Variants in ITPKB observed in about 807,000 individuals in gnomAD.
ITPKB encodes the protein IP3 3-kinase B.
A neutral mutation model predicts 69.4 loss-of-function variants in ITPKB; 13 were observed. The ratio of observed to expected loss-of-function variants is 0.19; its 90% CI spans 0.12 to 0.30. The LOEUF is 0.30. Among genes scored for constraint, ITPKB ranks in the 10% least tolerant of loss-of-function variants. The pLI is 1.00. For synonymous variants in ITPKB, 584 were observed against 513.7 expected (o/e 1.14, Z -1.85); for missense variants, 1,240 against 1,250.5 (o/e 0.99, Z 0.13).
chr1:226,654,398 C>T (rs1235399971), intron 2 of ITPKB, among the ~76,000 whole-genome samples: 4 of 152,154 alleles, frequency 2.6e-5, no homozygotes, highest in Non-Finnish European at 5.9e-5. Context: ...GTAGGAAGCC[C>T]TCGCCTTGGG....
At chr1:226,700,711 C>G (rs1158550168) in intron 2 of ITPKB, among the ~76,000 whole-genome samples, 5 of 152,134 alleles carry the variant, frequency 3.3e-5, no homozygotes, top group Non-Finnish European at 5.9e-5. Context: ...GGCTCTGACT[C>G]CAGAGCCTGC....
chr1:226,652,184 G>A (rs912662327), intron 2 of ITPKB, among the ~76,000 whole-genome samples: 4 of 152,246 alleles, frequency 2.6e-5, no homozygotes, highest in Admixed American at 2.6e-4. Context: ...AAGGAGGGCT[G>A]CAGGGTGACC....
rs1422771284 is a variant in ITPKB, at chr1:226,736,845, C to G, written c.614G>C (p.Trp205Ser). The G allele has an allele frequency of 3.7e-6, 6 of 1,612,322 alleles. No individual in the cohort carries two copies. The Admixed American group carries it at 6.7e-5, about 18-fold the overall frequency. ...ARSEERRTKSWGEQCPETSGT... is the reference protein window; with the variant it reads ...ARSEERRTKSSGEQCPETSGT... Reference sequence around the variant, plus strand: ...TGAAGTCTCTGGACATTGCTCCCCCCAGGACTTTGTCCTCCGTTCCTCGCT... The same window carrying G: ...TGAAGTCTCTGGACATTGCTCCCCCGAGGACTTTGTCCTCCGTTCCTCGCT... Residue 205 changes from tryptophan to serine, a missense_variant, in exon 2 of 8, where the codon TGG becomes TCG. Around this residue, in one of 2 missense-constraint regions of ITPKB, gnomAD observed 992 missense variants for 853.8 expected, o/e 1.16. Coordinates refer to ENST00000429204, the MANE Select transcript of ITPKB (RefSeq NM_002221.4).
chr1:226,701,748 A>G (rs1213378918), intron 2 of ITPKB, among the ~76,000 whole-genome samples: 2 of 152,094 alleles, frequency 1.3e-5, no homozygotes, highest in Admixed American at 1.3e-4. Context: ...AGTCTTCCCA[A>G]ATTCTGCTGC....
intron 7 of ITPKB, among the ~76,000 whole-genome samples, chr1:226,636,131 G>A (rs1051539384): frequency 3.9e-5 from 6 of 152,236 alleles, no homozygotes; most frequent in African/African-American, 1.2e-4. Context: ...GGGTGGGAAC[G>A]GCTTTGAGAC....
intron 2 of ITPKB, among the ~76,000 whole-genome samples, chr1:226,705,282 C>T (rs1656771802): frequency 6.6e-6 from 1 of 152,162 alleles, no homozygotes; most frequent in Non-Finnish European, 1.5e-5. Context: ...GTAATCCCAG[C>T]ACTTTGGGAG....
chr1:226,653,956 G>A (rs1226366323), intron 2 of ITPKB, among the ~76,000 whole-genome samples: 1 of 152,218 alleles, frequency 6.6e-6, no homozygotes, highest in East Asian at 1.9e-4. Context: ...CCTGCCTGTT[G>A]CAACCTGGAC....
At chr1:226,723,888 AACT>A (rs1208401483) in intron 2 of ITPKB, among the ~76,000 whole-genome samples, 1 of 152,132 alleles carries the variant, frequency 6.6e-6, no homozygotes, top group Non-Finnish European at 1.5e-5. Context: ...CCTCTCCTGC[AACT>A]AAAGAACCTC....
intron 2 of ITPKB, among the ~76,000 whole-genome samples, chr1:226,709,732 G>T (rs533913739): frequency 3.6e-4 from 55 of 152,316 alleles, no homozygotes; most frequent in African/African-American, 1.3e-3. Context: ...ACCTGTCCCT[G>T]TCTACAGGCC....
chr1:226,718,156 T>A (rs1657139801), intron 2 of ITPKB, among the ~76,000 whole-genome samples: 1 of 151,924 alleles, frequency 6.6e-6, no homozygotes, highest in African/African-American at 2.4e-5. Flanking sequence ...TAGCCAGGTG[T>A]GGTGGCGGGC....
chr1:226,648,564 C>A, intron 3 of ITPKB, 108 bp downstream of exon 3: 1 of 756,056 alleles, frequency 1.3e-6, no homozygotes, highest in Non-Finnish European at 2.4e-6. Flanking sequence ...ACTAGAAAGT[C>A]TTGGAGGGAA....
chr1:226,634,967 G>C lies in ITPKB; in HGVS notation c.2626-81C>G, dbSNP rs1668799906. Reference sequence around the variant, plus strand: ...CTGCGGCCCGGGGCCTGGGTGACCAGGTGGGGAGGCTCGCTCAGGCCGGAC... The same window carrying C: ...CTGCGGCCCGGGGCCTGGGTGACCACGTGGGGAGGCTCGCTCAGGCCGGAC... On this transcript the variant is annotated intron_variant, in intron 7 of 7. Transcript: ENST00000429204. The surrounding 1 kb of genome is among the most constrained non-coding windows in gnomAD (Gnocchi z 6.3). The C allele has an allele frequency of 2.7e-6, 3 of 1,098,904 alleles. No individual in the cohort carries two copies. In the South Asian group the frequency reaches 4.5e-5, roughly 16 times the overall value. 68.1% of individuals were successfully genotyped at this position (1,098,904 alleles called of 1,614,324 possible). A position where few individuals can be genotyped will look rare whatever the true frequency, so the allele number is the denominator to read the frequency against.
At chr1:226,727,677 G>C (rs960070728) in intron 2 of ITPKB, among the ~76,000 whole-genome samples, 1 of 152,150 alleles carries the variant, frequency 6.6e-6, no homozygotes, top group Non-Finnish European at 1.5e-5. Context: ...AAAGAAAACT[G>C]CTGTCATTGC....
At chr1:226,639,931 G>C (rs1668922523) in intron 5 of ITPKB, among the ~76,000 whole-genome samples, 1 of 152,196 alleles carries the variant, frequency 6.6e-6, no homozygotes, top group African/African-American at 2.4e-5. Context: ...GGTGTGAAGG[G>C]CATCCAGGCT....
chr1:226,669,863 G>A (rs1669577913), intron 2 of ITPKB, among the ~76,000 whole-genome samples: 2 of 150,974 alleles, frequency 1.3e-5, no homozygotes, highest in South Asian at 2.1e-4. Context: ...TGTTTTTTTG[G>A]TTTGTTTTTT....
chr1:226,696,820 C>T (rs978583061), intron 2 of ITPKB, among the ~76,000 whole-genome samples: 8 of 152,186 alleles, frequency 5.3e-5, no homozygotes. Flanking sequence ...TGATGTAGCC[C>T]AAGCCATCCC....
intron 2 of ITPKB, among the ~76,000 whole-genome samples, chr1:226,670,023 C>G (rs376649561): frequency 6.6e-6 from 1 of 151,198 alleles, no homozygotes; most frequent in East Asian, 1.9e-4. Context: ...AGAAGATGCA[C>G]GCCACCATGC....
At chr1:226,651,185 G>A (rs1009637045) in intron 2 of ITPKB, among the ~76,000 whole-genome samples, 1 of 152,134 alleles carries the variant, frequency 6.6e-6, no homozygotes, top group South Asian at 2.1e-4. Flanking sequence ...ACAAAGGCCC[G>A]GGGACTGGAA....
chr1:226,644,632 C>T lies in ITPKB; in HGVS notation c.2247-2507G>A, dbSNP rs114889003. 7.5e-3 allele frequency among the ~76,000 whole-genome samples: 1,138 copies of T among 152,344 alleles called. 13 individuals are homozygous for T. Among genetic ancestry groups the T allele is most frequent in the African/African-American group, 0.026 (1,078 of 41,574 alleles). On this transcript the variant is annotated intron_variant, in intron 4 of 7. Transcript: ENST00000429204. ...GTCCCAAGAAGCCCCGACGTGCAGA[C>T]GCCACCAGCAACTGCATCACATTCT...
Sources: gnomAD v4.1 joint callset for allele counts (sites outside exome capture counted in the v4.1 genomes callset) on GRCh38, gnomAD v4.1.1 for gene constraint, gnomAD v4.1.1 regional missense constraint, Gnocchi (gnomAD v3.1) non-coding constraint, MANE v1.5 for transcripts, NCBI Gene and HGNC (gene_info 2026-07-23, HGNC 2026-07-21) for gene names.